Variants in ARHGAP6 observed in about 807,000 individuals in gnomAD.
ARHGAP6 encodes the protein rho GTPase-activating protein 6.
Under a neutral mutation model 55.7 loss-of-function variants are expected in ARHGAP6, and 16 were observed. That is an observed-to-expected ratio of 0.29 (90% CI 0.19 to 0.44). ARHGAP6 has a LOEUF of 0.44. Ranked by LOEUF, ARHGAP6 falls within the 20% of genes least tolerant of loss-of-function variation. The pLI is 1.00. For missense variants in ARHGAP6, 698 were observed against 808.9 expected (o/e 0.86, Z 1.66); for synonymous variants, 382 against 360.9 (o/e 1.06, Z -0.66).
At chrX:11,555,910 C>T (rs1398823220) in intron 1 of ARHGAP6, among the ~76,000 whole-genome samples, 5 of 110,954 alleles carry the variant, frequency 4.5e-5, no homozygotes, top group Non-Finnish European at 9.4e-5. Context: ...ACCAGAGTAA[C>T]ATCAGAGGAG....
chrX:11,417,059 CATATATATATAT>C (rs768174897), intron 1 of ARHGAP6, among the ~76,000 whole-genome samples: 1,978 of 33,337 alleles, frequency 0.059, 87 homozygotes, highest in African/African-American at 0.062. Flanking sequence ...TGGGTGTGTA[CATATATATATAT>C]ATATATATAT....
At chrX:11,591,141 G>A (rs760527840) in intron 1 of ARHGAP6, among the ~76,000 whole-genome samples, 42 of 105,627 alleles carry the variant, frequency 4.0e-4, no homozygotes, top group African/African-American at 1.3e-3. Context: ...GCAGTGAGCC[G>A]AGATCGCACC....
At chrX:11,178,319 C>A in intron 7 of ARHGAP6, 71 bp from the exon 8 acceptor site, 1 of 1,063,976 alleles carries the variant, frequency 9.4e-7, no homozygotes, top group Non-Finnish European at 1.2e-6. Flanking sequence ...GGAAAGGCCT[C>A]CTCTCAATTG....
rs142465386 is a variant in ARHGAP6, at chrX:11,266,015, G to A, written c.589-11308C>T. 514 of 809,220 alleles carry A rather than the reference G, an allele frequency of 6.4e-4. 4 individuals carry two copies. The highest frequency in any genetic ancestry group is 3.1e-4 in the Non-Finnish European group (199 of 641,565). The allele number at this position is 809,220 out of a possible 1,213,427, so 66.7% of individuals were successfully genotyped here. ...AGTGCACAAATGAGTGAGTGCGTGT[G>A]TTTGTATGCGTGTGTGCCTGTGTGT... On this transcript the variant is annotated intron_variant, in intron 1 of 12. Transcript: ENST00000337414.
At chrX:11,282,011 G>A (rs1456117864) in intron 1 of ARHGAP6, among the ~76,000 whole-genome samples, 2 of 111,979 alleles carry the variant, frequency 1.8e-5, no homozygotes, top group Non-Finnish European at 3.8e-5. Context: ...TTTGTTGCTG[G>A]CAATGTTAAC....
intron 1 of ARHGAP6, among the ~76,000 whole-genome samples, chrX:11,394,998 G>A (rs780032887): frequency 1.8e-5 from 2 of 112,203 alleles, no homozygotes; most frequent in East Asian, 2.8e-4. Flanking sequence ...GGCCCTGTGC[G>A]ACCACACAGG....
chrX:11,624,990 T>A (rs1408023560), intron 1 of ARHGAP6, among the ~76,000 whole-genome samples: 1 of 111,752 alleles, frequency 8.9e-6, no homozygotes, highest in Non-Finnish European at 1.9e-5. Flanking sequence ...ATGGCTTATA[T>A]CCAAAAGACA....
intron 1 of ARHGAP6, among the ~76,000 whole-genome samples, chrX:11,275,958 A>C (rs2047758076): frequency 9.0e-6 from 1 of 111,556 alleles, no homozygotes. Context: ...TCTAAAACAC[A>C]AACAAGTTTA....
intron 2 of ARHGAP6, among the ~76,000 whole-genome samples, chrX:11,212,433 C>A (rs2046817517): frequency 8.9e-6 from 1 of 112,541 alleles, no homozygotes; most frequent in Non-Finnish European, 1.9e-5. Context: ...ACTCCTAGAG[C>A]ACTGCTTTCA....
intron 1 of ARHGAP6, among the ~76,000 whole-genome samples, chrX:11,387,499 T>C (rs1344027651): frequency 2.7e-5 from 3 of 111,971 alleles, no homozygotes; most frequent in Non-Finnish European, 5.6e-5. Flanking sequence ...CGCAGGTAAA[T>C]GACTAGATTT....
At chrX:11,608,275 T>C (rs1200614691) in intron 1 of ARHGAP6, among the ~76,000 whole-genome samples, 2 of 111,767 alleles carry the variant, frequency 1.8e-5, no homozygotes, top group African/African-American at 6.5e-5. Context: ...AAAATGATGG[T>C]TCTGGTACAT....
At chrX:11,335,781 C>T in intron 1 of ARHGAP6, 1 of 273,891 alleles carries the variant, frequency 3.7e-6, no homozygotes, top group South Asian at 4.4e-5. Flanking sequence ...AGGATGGGAT[C>T]TGGAGGTCTC....
chrX:11,272,011 T>C (rs1377160843), intron 1 of ARHGAP6, among the ~76,000 whole-genome samples: 1 of 112,007 alleles, frequency 8.9e-6, no homozygotes, highest in Non-Finnish European at 1.9e-5. Flanking sequence ...GCTGTAGTTT[T>C]CAAAAATTTT....
chrX:11,480,493 G>C (rs2050445401), intron 1 of ARHGAP6, among the ~76,000 whole-genome samples: 1 of 111,021 alleles, frequency 9.0e-6, no homozygotes, highest in Non-Finnish European at 1.9e-5. Flanking sequence ...TGGATATGGA[G>C]TTTCTTTGTG....
intron 1 of ARHGAP6, among the ~76,000 whole-genome samples, chrX:11,291,352 G>T (rs762327479): frequency 2.7e-5 from 3 of 111,363 alleles, no homozygotes; most frequent in African/African-American, 9.8e-5. Flanking sequence ...ACTATCCAGT[G>T]GTCCAGAGGA....
intron 1 of ARHGAP6, among the ~76,000 whole-genome samples, chrX:11,596,372 T>C (rs1258133541): frequency 9.0e-6 from 1 of 110,670 alleles, no homozygotes; most frequent in Non-Finnish European, 1.9e-5. Context: ...AGTTGAACAA[T>C]GAGAACACAT....
At chrX:11,156,754 G>A (rs2045870022) in intron 9 of ARHGAP6, 128 bp from the exon 10 acceptor site, 2 of 506,316 alleles carry the variant, frequency 4.0e-6, no homozygotes, top group African/African-American at 2.4e-5. Context: ...TGATTTGCTG[G>A]TTAAAACCAA....
intron 1 of ARHGAP6, among the ~76,000 whole-genome samples, chrX:11,385,334 G>T (rs183987184): frequency 7.2e-4 from 80 of 111,620 alleles, no homozygotes; most frequent in Middle Eastern, 9.4e-3. Context: ...TAATAGTGCT[G>T]GTGCTGGTAC....
chrX:11,315,284 C>T (rs2048346071), intron 1 of ARHGAP6, among the ~76,000 whole-genome samples: 1 of 112,438 alleles, frequency 8.9e-6, no homozygotes, highest in South Asian at 3.7e-4. Context: ...AACTGTTCCA[C>T]TTCAGATAAT....
Sources: gnomAD v4.1 joint callset for allele counts (sites outside exome capture counted in the v4.1 genomes callset) on GRCh38, gnomAD v4.1.1 for gene constraint, MANE v1.5 for transcripts, NCBI Gene and HGNC (gene_info 2026-07-23, HGNC 2026-07-21) for gene names.